The following STK39 variants were observed in gnomAD, a reference collection of about 807,000 sequenced individuals.
STK39 encodes STE20/SPS1-related proline-alanine-rich protein kinase.
STK39 carries 20 observed loss-of-function variants against 77.8 expected under a neutral mutation model. That is an observed-to-expected ratio of 0.26 (90% CI 0.18 to 0.37). The LOEUF is 0.37. STK39 is among the 10% of genes least tolerant of loss of function. The pLI is 1.00. For synonymous variants in STK39, 246 were observed against 234.1 expected (o/e 1.05, Z -0.47); for missense variants, 479 against 656.5 (o/e 0.73, Z 2.95).
At chr2:168,158,273 C>T (rs1374844893) in intron 5 of STK39, among the ~76,000 whole-genome samples, 1 of 152,222 alleles carries the variant, frequency 6.6e-6, no homozygotes, top group African/African-American at 2.4e-5. Flanking sequence ...AGCATTTTCT[C>T]TTAAACCCTG....
chr2:168,113,746 C>A (rs1280083469), intron 10 of STK39, among the ~76,000 whole-genome samples: 2 of 152,174 alleles, frequency 1.3e-5, no homozygotes, highest in Admixed American at 6.5e-5. Context: ...GTCCCCAGAC[C>A]TGTAGAATGT....
At chr2:167,970,318 A>G (rs1423706074) in intron 16 of STK39, among the ~76,000 whole-genome samples, 2 of 152,230 alleles carry the variant, frequency 1.3e-5, no homozygotes, top group Admixed American at 6.5e-5. Flanking sequence ...TTTGTTCACT[A>G]CTATGCTCCC....
chr2:168,107,300 T>G lies in STK39; in HGVS notation c.1089+22241A>C, dbSNP rs546674383. Among the ~76,000 whole-genome samples the G allele has an allele frequency of 6.9e-4, 105 of 152,326 alleles. 1 individual carries two copies. Among genetic ancestry groups the G allele is most frequent in the Admixed American group, 1.6e-3 (25 of 15,300 alleles). On this transcript the variant is annotated intron_variant, in intron 10 of 17. Transcript: ENST00000355999. ...ATGGGTCTTATAAAAACCTTTAGTC[T>G]TGAATTAGAGGACTTTTCTGTAACA... is the stretch of plus-strand genomic sequence containing the variant.
At chr2:167,976,571 G>A (rs6718279) in intron 16 of STK39, among the ~76,000 whole-genome samples, 4,791 of 152,236 alleles carry the variant, frequency 0.031, 243 homozygotes, top group East Asian at 0.21. Flanking sequence ...CATCACTACT[G>A]TAGGTTGGCC....
chr2:168,083,761 G>A (rs1686299573), intron 10 of STK39, among the ~76,000 whole-genome samples: 1 of 152,092 alleles, frequency 6.6e-6, no homozygotes, highest in East Asian at 1.9e-4. Flanking sequence ...AGCAAGGCTG[G>A]AAAAGTTGTG....
intron 1 of STK39, among the ~76,000 whole-genome samples, chr2:168,246,047 A>G (rs1472101257): frequency 1.3e-5 from 2 of 152,144 alleles, no homozygotes; most frequent in Admixed American, 6.5e-5. Context: ...TGAAATTTTT[A>G]TATCTGTTTT....
chr2:168,058,432 A>C (rs1685580603), intron 14 of STK39, among the ~76,000 whole-genome samples: 1 of 151,972 alleles, frequency 6.6e-6, no homozygotes. Context: ...CTCTACCTTC[A>C]CTTACTCCCT....
chr2:168,145,257 C>T lies in STK39; in HGVS notation c.629-4499G>A, dbSNP rs144970495. Among the ~76,000 whole-genome samples the T allele has an allele frequency of 6.7e-3, 1,019 of 152,244 alleles. 4 individuals carry two copies. Among genetic ancestry groups the T allele is most frequent in the Non-Finnish European group, 1.0e-2 (677 of 68,014 alleles). Reference sequence around the variant, plus strand: ...TGCAAGGGTCAAAAACTCAAAACACCTACAGCAGCCAGGCAGGAATACAAT... The same window carrying T: ...TGCAAGGGTCAAAAACTCAAAACACTTACAGCAGCCAGGCAGGAATACAAT... On this transcript the variant is annotated intron_variant, in intron 5 of 17. Transcript: ENST00000355999.
In STK39 at chr2:168,167,421, A is replaced by G. The variant is rs1459072786; in HGVS notation, c.322-14T>C. On this transcript the variant is annotated splice_polypyrimidine_tract_variant and intron_variant, in intron 2 of 17. Transcript: ENST00000355999. ...TTGAATTTCTTTCTATAAAAAGAGC[A>G]AAACATGACATAGTACCATGGGGTG... The G allele has an allele frequency of 6.2e-7, 1 of 1,609,552 alleles. No individual in the cohort carries two copies.
intron 1 of STK39, among the ~76,000 whole-genome samples, chr2:168,242,998 A>G (rs541330942): frequency 3.3e-5 from 5 of 152,322 alleles, no homozygotes; most frequent in Middle Eastern, 3.4e-3. Context: ...GTCTTGAGAC[A>G]AAGCATTTCA....
At chr2:168,067,807 T>C (rs901062858) in intron 12 of STK39, among the ~76,000 whole-genome samples, 1 of 152,152 alleles carries the variant, frequency 6.6e-6, no homozygotes, top group South Asian at 2.1e-4. Flanking sequence ...CAATTTGCTA[T>C]AGGATGGACA....
chr2:168,061,648 A>G (rs1685668327), intron 14 of STK39, among the ~76,000 whole-genome samples: 1 of 152,250 alleles, frequency 6.6e-6, no homozygotes, highest in Non-Finnish European at 1.5e-5. Context: ...AGGCAGATAC[A>G]GACTAAATAT....
At chr2:168,080,734 C>A (rs111486522) in intron 10 of STK39, among the ~76,000 whole-genome samples, 1 of 152,092 alleles carries the variant, frequency 6.6e-6, no homozygotes, top group African/African-American at 2.4e-5. Flanking sequence ...GGAAGTTTAG[C>A]AGGAAAAAAA....
intron 2 of STK39, among the ~76,000 whole-genome samples, chr2:168,177,229 C>T (rs930746110): frequency 2.0e-5 from 3 of 152,054 alleles, no homozygotes; most frequent in African/African-American, 7.2e-5. Context: ...AACGTAATCA[C>T]TTAATTATTT....
intron 16 of STK39, among the ~76,000 whole-genome samples, chr2:168,003,684 A>C (rs1205629994): frequency 2.0e-5 from 3 of 152,218 alleles, no homozygotes; most frequent in Non-Finnish European, 2.9e-5. Context: ...TAAACTTAAC[A>C]CATAGACAAC....
rs1007325385 is a variant in STK39 at position 168,144,437 on chromosome 2, A to C, written c.629-3679T>G. ...TCCTACCTCAGCCTCCCAAGCAGCT[A>C]TGACTACAGGCATGTGCTACCATGC... On this transcript the variant is annotated intron_variant, in intron 5 of 17. Transcript: ENST00000355999. Among the ~76,000 whole-genome samples the C allele has an allele frequency of 9.9e-5, 15 of 151,712 alleles. 1 individual carries two copies. Among genetic ancestry groups the C allele is most frequent in the African/African-American group, 3.6e-4 (15 of 41,402 alleles).
intron 16 of STK39, among the ~76,000 whole-genome samples, chr2:167,969,468 C>T (rs1692262624): frequency 6.6e-6 from 1 of 152,154 alleles, no homozygotes; most frequent in South Asian, 2.1e-4. Flanking sequence ...ATTTCCTACC[C>T]TGAATCCTCC....
chr2:168,179,043 A>C (rs1019828250), intron 2 of STK39, among the ~76,000 whole-genome samples: 1 of 151,268 alleles, frequency 6.6e-6, no homozygotes. Context: ...CCCAGTGGCC[A>C]ACAAATAGTT....
At chr2:168,136,451 T>C (rs1317302727) in intron 8 of STK39, among the ~76,000 whole-genome samples, 1 of 151,940 alleles carries the variant, frequency 6.6e-6, no homozygotes, top group Non-Finnish European at 1.5e-5. Context: ...CCAAATCACA[T>C]ACAAATCTCC....
Sources: allele counts gnomAD v4.1 joint callset (sites outside exome capture counted in the v4.1 genomes callset), GRCh38; gene constraint gnomAD v4.1.1; transcripts MANE v1.5; gene names NCBI Gene and HGNC (gene_info 2026-07-23, HGNC 2026-07-21).